IGSF21: variants seen among roughly 807,000 people sequenced by gnomAD.
IGSF21 encodes immunoglobulin superfamily member 21.
In IGSF21, 28 loss-of-function variants were observed where a neutral mutation model predicts 46.8. The observed-to-expected ratio is 0.60, with a 90% CI of 0.44 to 0.82. IGSF21 has a LOEUF of 0.82. IGSF21 is among the 40% of genes least tolerant of loss of function. The pLI is 0.00. For missense variants in IGSF21, 624 were observed against 665.5 expected, an observed-to-expected ratio of 0.94 and a Z score of 0.69; for synonymous variants, 284 against 273.6, an observed-to-expected ratio of 1.04 and a Z score of -0.38.
intron 1 of IGSF21, among the ~76,000 whole-genome samples, chr1:18,185,620 A>G (rs1335337712): frequency 1.3e-5 from 2 of 152,112 alleles, no homozygotes; most frequent in African/African-American, 4.8e-5. Context: ...TTAAAGATAG[A>G]TTTTGGAGTG....
intron 2 of IGSF21, among the ~76,000 whole-genome samples, chr1:18,287,963 C>A (rs912912685): frequency 3.3e-5 from 5 of 152,092 alleles, no homozygotes; most frequent in Non-Finnish European, 7.4e-5. Context: ...GGGAGGGACA[C>A]AGAAAAACAG....
At chr1:18,139,983 G>T (rs2086400866) in intron 1 of IGSF21, among the ~76,000 whole-genome samples, 1 of 152,152 alleles carries the variant, frequency 6.6e-6, no homozygotes, top group Admixed American at 6.5e-5. Context: ...GTCTCGCTCT[G>T]TCGCTCAGGC....
intron 4 of IGSF21, among the ~76,000 whole-genome samples, chr1:18,356,817 A>G (rs2086023312): frequency 6.6e-6 from 1 of 151,984 alleles, no homozygotes; most frequent in Non-Finnish European, 1.5e-5. Context: ...AAGTGTGGGG[A>G]CAGGAATAGA....
In IGSF21 at chr1:18,108,183, C is replaced by T; in HGVS notation, c.55C>T (p.Leu19=). 1 of 1,440,776 alleles carries T rather than the reference C, an allele frequency of 6.9e-7. No homozygotes were observed. The highest frequency in any genetic ancestry group is 3.1e-5 in the East Asian group (1 of 32,538). 89.2% of individuals were successfully genotyped at this position (1,440,776 alleles called of 1,614,324 possible). A position where few individuals can be genotyped will look rare whatever the true frequency, so the allele number is the denominator to read the frequency against. The change falls in exon 1 of 10, where the codon CTG becomes TTG. Residue 19 remains leucine (L), a synonymous_variant. Transcript: ENST00000251296. ...CGTCTGCCTGCTGCTCGCCGCGATC[C>T]TGGACCTGGCGCGCGGTGAGTGCGC... is the stretch of plus-strand genomic sequence containing the variant. ...RCVCLLLAAI[L]DLARGYLTVN...
chr1:18,122,778 G>T (rs907958752), intron 1 of IGSF21, among the ~76,000 whole-genome samples: 7 of 151,772 alleles, frequency 4.6e-5, no homozygotes, highest in African/African-American at 1.7e-4. Context: ...ATGCCACCAC[G>T]CCCCAGCTAA....
At chr1:18,260,680 G>A (rs2084938838) in intron 2 of IGSF21, among the ~76,000 whole-genome samples, 1 of 152,220 alleles carries the variant, frequency 6.6e-6, no homozygotes, top group Admixed American at 6.5e-5. Flanking sequence ...TGTTGGCATG[G>A]CAATGGTAAA....
chr1:18,109,160 G>C lies in IGSF21; in HGVS notation c.70+962G>C, dbSNP rs1308841092. Among the ~76,000 whole-genome samples, 1 of 151,968 alleles carries C rather than the reference G, an allele frequency of 6.6e-6. No homozygotes were observed. Among genetic ancestry groups the C allele is most frequent in the Non-Finnish European group, 1.5e-5 (1 of 68,000 alleles). The stretch of plus-strand genomic sequence containing the variant: ...CCCACCCAGTGCCGCCGCGTAGTGG[G>C]TCTTAAATGGAGCTGAACCCTTTCG... On this transcript the variant is annotated intron_variant, in intron 1 of 9. Coordinates refer to ENST00000251296, the MANE Select transcript of IGSF21 (RefSeq NM_032880.5). The surrounding 1 kb of genome is among the most constrained non-coding windows in gnomAD (Gnocchi z 4.8).
At chr1:18,188,186 C>T (rs543078102) in intron 1 of IGSF21, among the ~76,000 whole-genome samples, 4 of 152,044 alleles carry the variant, frequency 2.6e-5, no homozygotes, top group East Asian at 1.9e-4. Flanking sequence ...AATAAATTTT[C>T]GAAAAAGAAG....
At chr1:18,255,474 T>C (rs1051230318) in intron 2 of IGSF21, among the ~76,000 whole-genome samples, 2 of 152,056 alleles carry the variant, frequency 1.3e-5, no homozygotes, top group African/African-American at 4.8e-5. Flanking sequence ...TCAAATCCCT[T>C]CTCCTGATTC....
At chr1:18,145,655 G>T (rs1401024799) in intron 1 of IGSF21, among the ~76,000 whole-genome samples, 1 of 152,146 alleles carries the variant, frequency 6.6e-6, no homozygotes, top group African/African-American at 2.4e-5. Flanking sequence ...TTATGTAGAT[G>T]TTTTGAAGTC....
chr1:18,272,995 C>T (rs1480042106), intron 2 of IGSF21, among the ~76,000 whole-genome samples: 3 of 150,644 alleles, frequency 2.0e-5, no homozygotes, highest in East Asian at 3.9e-4. Flanking sequence ...CTCCTTGCCC[C>T]CACTGGGCCC....
Position 18,184,491 on chromosome 1 carries a change from C to A in IGSF21, c.71-43407C>A, listed in dbSNP as rs17488361. ...CCTCTGAACCTTTAATCATTTTCCT[C>A]GAATGAGATTCAAATGAGACGCTTG... On this transcript the variant is annotated intron_variant, in intron 1 of 9. Transcript: ENST00000251296. Among the ~76,000 whole-genome samples the A allele has an allele frequency of 6.1e-3, 929 of 152,268 alleles. 18 individuals are homozygous for A. The highest frequency in any genetic ancestry group is 0.021 in the African/African-American group (855 of 41,560).
chr1:18,365,648 G>A lies in IGSF21; in HGVS notation c.966G>A (p.Glu322=), dbSNP rs746546448. Residue 322 remains glutamate, a synonymous_variant, in exon 6 of 10, where the codon GAG becomes GAA. Coordinates refer to ENST00000251296, the MANE Select transcript of IGSF21 (RefSeq NM_032880.5). The surrounding 1 kb of genome is among the most constrained non-coding windows in gnomAD (Gnocchi z 4.8). ...QIDNEALFSC[E]VKHPALSMPM... is the part of the protein sequence containing the mutation. ...ACAACGAGGCCCTCTTCAGCTGCGA[G>A]GTCAAGCACCCAGCTCTGTCGATGC... 15 of 1,614,190 alleles carry A rather than the reference G, an allele frequency of 9.3e-6. No homozygotes were observed. Among genetic ancestry groups the A allele is most frequent in the Non-Finnish European group, 1.2e-5 (14 of 1,180,028 alleles).
At chr1:18,299,681 C>T (rs1255559265) in intron 3 of IGSF21, among the ~76,000 whole-genome samples, 1 of 152,240 alleles carries the variant, frequency 6.6e-6, no homozygotes, top group East Asian at 1.9e-4. Context: ...CGCTCAGTTC[C>T]TGACCTGCTG....
chr1:18,217,614 C>T (rs1407818425), intron 1 of IGSF21, among the ~76,000 whole-genome samples: 1 of 152,206 alleles, frequency 6.6e-6, no homozygotes, highest in Admixed American at 6.5e-5. Context: ...GCATTGTGTC[C>T]TGTGACTATA....
At chr1:18,117,610 T>C (rs1220268749) in intron 1 of IGSF21, among the ~76,000 whole-genome samples, 1 of 152,212 alleles carries the variant, frequency 6.6e-6, no homozygotes, top group Non-Finnish European at 1.5e-5. Context: ...GTGGCTAGCA[T>C]ACAGCAGGTG....
Position 18,217,305 on chromosome 1 carries a change from A to G in IGSF21, c.71-10593A>G, listed in dbSNP as rs567668605. ...CAGACATACCCGCTGCCCCCTGAGG[A>G]AAGGATGGATGACCCATGTTGCTTT... is the stretch of plus-strand genomic sequence containing the variant. On this transcript the variant is annotated intron_variant, in intron 1 of 9. Coordinates refer to ENST00000251296, the MANE Select transcript of IGSF21 (RefSeq NM_032880.5). Among the ~76,000 whole-genome samples the G allele has an allele frequency of 1.3e-5, 2 of 152,298 alleles. 1 individual carries two copies. The highest frequency in any genetic ancestry group is 4.2e-4 in the South Asian group (2 of 4,818).
At position 18,154,318 on chromosome 1, in the gene IGSF21, C is replaced by T. The variant is rs576043718; in HGVS notation, c.70+46120C>T. Among the ~76,000 whole-genome samples, 8 of 152,160 alleles carry T rather than the reference C, an allele frequency of 5.3e-5. 1 individual carries two copies. In the South Asian group the frequency reaches 1.0e-3, roughly 20 times the overall value. ...TCTTTTGTCATCTCTTTCAAGGCCG[C>T]GAGTCCCATCTCCCATTTTACATCT... On this transcript the variant is annotated intron_variant, in intron 1 of 9. Transcript: ENST00000251296.
chr1:18,281,797 C>T lies in IGSF21; in HGVS notation c.184-10069C>T, dbSNP rs570302168. Among the ~76,000 whole-genome samples, 5 of 152,204 alleles carry T rather than the reference C, an allele frequency of 3.3e-5. No individual in the cohort carries two copies. In the South Asian group the frequency reaches 1.0e-3, roughly 32 times the overall value. ...TTGTCGGGAGGCAGGGAGGAGGCAG[C>T]GAGGAGCTGGACATGATCACCTGGT... On this transcript the variant is annotated intron_variant, in intron 2 of 9. Coordinates refer to ENST00000251296, the MANE Select transcript of IGSF21 (RefSeq NM_032880.5).
Sources: allele counts gnomAD v4.1 joint callset (sites outside exome capture counted in the v4.1 genomes callset), GRCh38; gene constraint gnomAD v4.1.1; non-coding constraint Gnocchi (gnomAD v3.1); transcripts MANE v1.5; gene names NCBI Gene and HGNC (gene_info 2026-07-23, HGNC 2026-07-21).